Variants in CNTN5 observed in about 807,000 individuals in gnomAD.
CNTN5 encodes the protein contactin 5.
A neutral mutation model predicts 129.1 loss-of-function variants in CNTN5; 77 were observed. The ratio of observed to expected loss-of-function variants is 0.60; its 90% CI spans 0.50 to 0.72. The LOEUF (loss-of-function observed/expected upper bound fraction) is 0.72. Ranked by LOEUF, CNTN5 falls within the 30% of genes least tolerant of loss-of-function variation. The pLI is 0.00. For synonymous variants in CNTN5, 509 were observed against 465.6 expected (o/e 1.09, Z -1.20); for missense variants, 1,478 against 1,328.8 (o/e 1.11, Z -1.75).
intron 2 of CNTN5, among the ~76,000 whole-genome samples, chr11:99,427,712 G>A (rs1255111654): frequency 8.0e-6 from 1 of 124,260 alleles, no homozygotes; most frequent in African/African-American, 3.1e-5. Flanking sequence ...GTTGCAGTGA[G>A]ATGAGATCCT....
intron 1 of CNTN5, among the ~76,000 whole-genome samples, chr11:99,038,638 A>G (rs1247325595): frequency 6.6e-6 from 1 of 152,120 alleles, no homozygotes; most frequent in Admixed American, 6.6e-5. Context: ...GCAGTAGACC[A>G]ACGCTTCTTT....
chr11:99,421,590 T>A (rs1246869386), intron 2 of CNTN5, among the ~76,000 whole-genome samples: 5 of 152,208 alleles, frequency 3.3e-5, no homozygotes, highest in Non-Finnish European at 7.4e-5. Flanking sequence ...CTTATGACAA[T>A]CTTGATGTTT....
At chr11:99,022,462 A>T (rs1310400016) in intron 1 of CNTN5, among the ~76,000 whole-genome samples, 2 of 152,162 alleles carry the variant, frequency 1.3e-5, no homozygotes, top group Non-Finnish European at 2.9e-5. Context: ...GCCTGTAGTC[A>T]ATTTTGAGCA....
chr11:99,672,125 A>C (rs906143699), intron 3 of CNTN5, among the ~76,000 whole-genome samples: 3 of 152,074 alleles, frequency 2.0e-5, no homozygotes, highest in African/African-American at 7.2e-5. Flanking sequence ...GATTCAGTTC[A>C]GTTTATTTTA....
chr11:99,933,746 A>G (rs929157201), intron 7 of CNTN5, among the ~76,000 whole-genome samples: 2 of 152,326 alleles, frequency 1.3e-5, no homozygotes, highest in Non-Finnish European at 2.9e-5. Context: ...ATTAAAACTA[A>G]TGATAGAACC....
intron 8 of CNTN5, among the ~76,000 whole-genome samples, chr11:99,963,147 G>A (rs372412606): frequency 7.2e-5 from 11 of 152,118 alleles, no homozygotes; most frequent in East Asian, 1.9e-4. Flanking sequence ...TGCTGTGCAG[G>A]AGCTCTTTAG....
At chr11:99,214,262 A>G (rs972287933) in intron 1 of CNTN5, among the ~76,000 whole-genome samples, 2 of 151,818 alleles carry the variant, frequency 1.3e-5, no homozygotes, top group African/African-American at 4.8e-5. Flanking sequence ...GTCCTGATAA[A>G]ACATGGAATT....
chr11:99,200,185 C>A (rs1859102062), intron 1 of CNTN5, among the ~76,000 whole-genome samples: 1 of 152,116 alleles, frequency 6.6e-6, no homozygotes, highest in Admixed American at 6.5e-5. Flanking sequence ...CTCACCACCA[C>A]CATATTACCA....
intron 3 of CNTN5, among the ~76,000 whole-genome samples, chr11:99,694,217 C>T (rs756616665): frequency 2.1e-4 from 32 of 152,148 alleles, no homozygotes; most frequent in South Asian, 4.2e-4. Flanking sequence ...TCGTGCTATA[C>T]TTCAGGGCTG....
At chr11:100,217,847 A>G (rs1189949539) in intron 15 of CNTN5, among the ~76,000 whole-genome samples, 2 of 152,160 alleles carry the variant, frequency 1.3e-5, no homozygotes, top group East Asian at 1.9e-4. Context: ...CTAGAGAGGA[A>G]TTTCTCATAA....
chr11:99,744,817 G>A (rs1944001964), intron 3 of CNTN5, among the ~76,000 whole-genome samples: 1 of 151,930 alleles, frequency 6.6e-6, no homozygotes, highest in Non-Finnish European at 1.5e-5. Context: ...GACTCTTTAA[G>A]CACAGAAGAA....
At chr11:99,329,025 A>G (rs890212326) in intron 2 of CNTN5, among the ~76,000 whole-genome samples, 1 of 152,080 alleles carries the variant, frequency 6.6e-6, no homozygotes, top group African/African-American at 2.4e-5. Context: ...ATTTATCTCT[A>G]TCTGCCAGTT....
chr11:99,448,181 A>G (rs935417929), intron 2 of CNTN5, among the ~76,000 whole-genome samples: 3 of 152,186 alleles, frequency 2.0e-5, no homozygotes, highest in Non-Finnish European at 4.4e-5. Flanking sequence ...AGGGCTTTCA[A>G]AAGTCATCCA....
chr11:99,921,590 G>C (rs1314658971), intron 7 of CNTN5, among the ~76,000 whole-genome samples: 1 of 151,988 alleles, frequency 6.6e-6, no homozygotes, highest in Admixed American at 6.6e-5. Flanking sequence ...TCTCCATAAT[G>C]CTCCTAGCAT....
chr11:99,883,084 G>A (rs571985059), intron 6 of CNTN5, among the ~76,000 whole-genome samples: 8 of 152,246 alleles, frequency 5.3e-5, no homozygotes, highest in African/African-American at 1.2e-4. Flanking sequence ...ATAGTACCCC[G>A]TTGTGTATAA....
chr11:100,264,473 C>T (rs563781838), intron 17 of CNTN5, among the ~76,000 whole-genome samples: 2 of 152,124 alleles, frequency 1.3e-5, no homozygotes, highest in Non-Finnish European at 2.9e-5. Context: ...TCAGGGAGAA[C>T]ATGTGGCATT....
intron 18 of CNTN5, among the ~76,000 whole-genome samples, chr11:100,293,526 T>C (rs1156964206): frequency 6.6e-6 from 1 of 151,828 alleles, no homozygotes; most frequent in Non-Finnish European, 1.5e-5. Flanking sequence ...CACCACTTTC[T>C]CTTTTTCGAA....
intron 1 of CNTN5, among the ~76,000 whole-genome samples, chr11:99,037,546 T>C (rs534265901): frequency 6.6e-6 from 1 of 151,474 alleles, no homozygotes; most frequent in Admixed American, 6.6e-5. Context: ...ATTAATGCTC[T>C]GGGACATATT....
chr11:99,884,646 T>G (rs989611163), intron 6 of CNTN5, among the ~76,000 whole-genome samples: 1 of 152,164 alleles, frequency 6.6e-6, no homozygotes, highest in African/African-American at 2.4e-5. Context: ...AGACACATTA[T>G]AGTGAAACTG....
Sources: allele counts gnomAD v4.1 joint callset (sites outside exome capture counted in the v4.1 genomes callset), GRCh38; gene constraint gnomAD v4.1.1; transcripts MANE v1.5; gene names NCBI Gene and HGNC (gene_info 2026-07-23, HGNC 2026-07-21).